SCAPER: variants seen among roughly 807,000 people sequenced by gnomAD.
The protein encoded by SCAPER is S phase cyclin A-associated protein in the endoplasmic reticulum.
Under a neutral mutation model 182.2 loss-of-function variants are expected in SCAPER, and 98 were observed. The ratio of observed to expected loss-of-function variants is 0.54; its 90% CI spans 0.46 to 0.64. The LOEUF is 0.64. SCAPER is among the 30% of genes least tolerant of loss of function. SCAPER has a pLI of 0.00. For missense variants in SCAPER, 1,432 were observed against 1,690.0 expected (o/e 0.85, Z 2.68); for synonymous variants, 605 against 564.6 (o/e 1.07, Z -1.01).
intron 21 of SCAPER, among the ~76,000 whole-genome samples, chr15:76,640,286 G>A (rs907244266): frequency 6.6e-6 from 1 of 152,182 alleles, no homozygotes; most frequent in Admixed American, 6.5e-5. Context: ...ATAGAATTAT[G>A]AGTTTAGAAC....
At chr15:76,486,691 A>G (rs1032101569) in intron 24 of SCAPER, among the ~76,000 whole-genome samples, 2 of 152,174 alleles carry the variant, frequency 1.3e-5, no homozygotes, top group Admixed American at 1.3e-4. Flanking sequence ...TCAAGAAATA[A>G]CAGAGGCTGG....
intron 16 of SCAPER, among the ~76,000 whole-genome samples, chr15:76,729,461 A>G (rs1171728359): frequency 6.6e-6 from 1 of 152,066 alleles, no homozygotes; most frequent in Non-Finnish European, 1.5e-5. Flanking sequence ...AATATGATGA[A>G]AAAACCATAG....
At chr15:76,577,605 G>C (rs1021044239) in intron 22 of SCAPER, among the ~76,000 whole-genome samples, 1 of 151,994 alleles carries the variant, frequency 6.6e-6, no homozygotes, top group African/African-American at 2.4e-5. Flanking sequence ...GGGCAAAAAG[G>C]GAATGGGCTA....
At chr15:76,579,938 CAAT>C (rs1238507225) in intron 22 of SCAPER, among the ~76,000 whole-genome samples, 5 of 151,974 alleles carry the variant, frequency 3.3e-5, no homozygotes, top group African/African-American at 1.2e-4. Context: ...TGTCATTATA[CAAT>C]AATAAAAGGG....
intron 22 of SCAPER, among the ~76,000 whole-genome samples, chr15:76,593,563 T>C (rs2049285480): frequency 8.3e-6 from 1 of 120,262 alleles, no homozygotes; most frequent in South Asian, 2.6e-4. Context: ...AAACACCTCA[T>C]ACGGGAGAGC....
intron 2 of SCAPER, among the ~76,000 whole-genome samples, chr15:76,877,040 A>C (rs952004541): frequency 3.9e-5 from 6 of 152,146 alleles, no homozygotes; most frequent in African/African-American, 1.4e-4. Flanking sequence ...GTTCAAGACC[A>C]GCCTGGGAAA....
At chr15:76,605,526 T>C (rs1039887464) in intron 22 of SCAPER, among the ~76,000 whole-genome samples, 4 of 152,246 alleles carry the variant, frequency 2.6e-5, no homozygotes, top group African/African-American at 9.6e-5. Flanking sequence ...ATCAGGTTGA[T>C]ACTGGCCTCA....
At chr15:76,897,942 C>T (rs1011476098) in intron 1 of SCAPER, among the ~76,000 whole-genome samples, 1 of 151,742 alleles carries the variant, frequency 6.6e-6, no homozygotes, top group African/African-American at 2.4e-5. Flanking sequence ...TAATAATAAA[C>T]GTAAGTAGGA....
At chr15:76,867,587 TG>T (rs2072390273) in intron 2 of SCAPER, among the ~76,000 whole-genome samples, 1 of 152,314 alleles carries the variant, frequency 6.6e-6, no homozygotes, top group Admixed American at 6.5e-5. Flanking sequence ...CTCTCTTGTA[TG>T]AGCTACTCTG....
intron 26 of SCAPER, among the ~76,000 whole-genome samples, chr15:76,424,365 T>C (rs182066877): frequency 7.1e-4 from 108 of 152,356 alleles, no homozygotes; most frequent in Non-Finnish European, 1.0e-3. Context: ...CCCTTTACCA[T>C]TATGTAACGG....
intron 23 of SCAPER, among the ~76,000 whole-genome samples, chr15:76,535,029 G>A (rs1247569418): frequency 5.9e-5 from 9 of 152,092 alleles, no homozygotes; most frequent in Admixed American, 6.5e-5. Context: ...TTAAAAGTCA[G>A]AGTCCAAAAC....
intron 23 of SCAPER, among the ~76,000 whole-genome samples, chr15:76,570,107 C>T (rs1326473420): frequency 6.6e-6 from 1 of 152,084 alleles, no homozygotes; most frequent in East Asian, 1.9e-4. Flanking sequence ...TTCTGTTAGC[C>T]ACCTGGGGTA....
intron 21 of SCAPER, among the ~76,000 whole-genome samples, 169 bp downstream of exon 21, chr15:76,665,484 C>T (rs1048925675): frequency 2.0e-5 from 3 of 152,154 alleles, no homozygotes; most frequent in African/African-American, 7.2e-5. Context: ...GATCGATATG[C>T]AGTTTTCTTT....
intron 2 of SCAPER, among the ~76,000 whole-genome samples, chr15:76,868,374 C>T (rs1489192029): frequency 6.7e-6 from 1 of 150,086 alleles, no homozygotes; most frequent in Non-Finnish European, 1.5e-5. Context: ...GCCTGGGTGA[C>T]AGAGTGAGAC....
At chr15:76,721,649 G>A (rs2060250624) in intron 17 of SCAPER, among the ~76,000 whole-genome samples, 1 of 152,026 alleles carries the variant, frequency 6.6e-6, no homozygotes, top group Non-Finnish European at 1.5e-5. Flanking sequence ...CACGTCCCTT[G>A]TAAGGTGGAT....
intron 23 of SCAPER, among the ~76,000 whole-genome samples, chr15:76,515,676 T>G (rs1361304254): frequency 6.6e-6 from 1 of 152,216 alleles, no homozygotes; most frequent in Non-Finnish European, 1.5e-5. Context: ...GATTTTTCTA[T>G]TTATTTGGTT....
intron 23 of SCAPER, among the ~76,000 whole-genome samples, chr15:76,550,461 T>C (rs538999747): frequency 6.6e-6 from 1 of 152,308 alleles, no homozygotes; most frequent in South Asian, 2.1e-4. Context: ...TTTCTGTGCC[T>C]ATGTTAGTTT....
chr15:76,701,386 G>C (rs2058939840), intron 20 of SCAPER, among the ~76,000 whole-genome samples: 1 of 151,672 alleles, frequency 6.6e-6, no homozygotes, highest in African/African-American at 2.4e-5. Context: ...ATTTCCAAAA[G>C]CTTCTAAATG....
At chr15:76,879,047 T>C (rs1050981414) in intron 2 of SCAPER, among the ~76,000 whole-genome samples, 1 of 152,168 alleles carries the variant, frequency 6.6e-6, no homozygotes, top group Non-Finnish European at 1.5e-5. Context: ...TAGCCCCACT[T>C]TGGAAATCTG....
Sources: allele counts gnomAD v4.1 joint callset (sites outside exome capture counted in the v4.1 genomes callset), GRCh38; gene constraint gnomAD v4.1.1; transcripts MANE v1.5; gene names NCBI Gene and HGNC (gene_info 2026-07-23, HGNC 2026-07-21).